PCDH15: variants seen among roughly 807,000 people sequenced by gnomAD.
PCDH15 encodes protocadherin related 15.
A neutral mutation model predicts 178.5 loss-of-function variants in PCDH15; 129 were observed. The observed-to-expected ratio is 0.72, with a 90% CI of 0.63 to 0.84. The LOEUF (loss-of-function observed/expected upper bound fraction) is 0.84. Among genes scored for constraint, PCDH15 ranks in the 40% least tolerant of loss-of-function variants. The pLI is 0.00. For missense variants in PCDH15, 2,230 were observed against 2,099.9 expected (o/e 1.06, Z -1.21); for synonymous variants, 800 against 732.0 (o/e 1.09, Z -1.50).
At chr10:54,871,137 T>C (rs2131794811) in intron 3 of PCDH15, among the ~76,000 whole-genome samples, 1 of 152,256 alleles carries the variant, frequency 6.6e-6, no homozygotes, top group East Asian at 1.9e-4. Context: ...TCACAGAGCA[T>C]AGGGATTCCT....
At chr10:53,835,248 A>T (rs2077238437) in intron 29 of PCDH15, among the ~76,000 whole-genome samples, 1 of 152,204 alleles carries the variant, frequency 6.6e-6, no homozygotes, top group Admixed American at 6.5e-5. Flanking sequence ...TGTGGTTTAA[A>T]GGCAGTGTAT....
At chr10:55,056,464 C>T (rs1841305879) in intron 2 of PCDH15, among the ~76,000 whole-genome samples, 1 of 151,780 alleles carries the variant, frequency 6.6e-6, no homozygotes, top group Non-Finnish European at 1.5e-5. Flanking sequence ...CATTGAGTTA[C>T]CATTAACTTG....
chr10:55,265,687 A>G (rs943272801), intron 1 of PCDH15, among the ~76,000 whole-genome samples: 14 of 152,174 alleles, frequency 9.2e-5, no homozygotes, highest in African/African-American at 3.1e-4. Context: ...GTTGTTCATT[A>G]TCGACCAGGG....
chr10:55,251,219 A>G (rs898676355), intron 1 of PCDH15, among the ~76,000 whole-genome samples: 3 of 152,082 alleles, frequency 2.0e-5, no homozygotes, highest in African/African-American at 7.2e-5. Flanking sequence ...GTGTATATTT[A>G]GTTTTATACA....
chr10:54,790,870 C>T (rs189861980), intron 1 of PCDH15, among the ~76,000 whole-genome samples: 1 of 151,624 alleles, frequency 6.6e-6, no homozygotes, highest in East Asian at 2.0e-4. Flanking sequence ...AGAGAGGTAG[C>T]TAAATAAAAC....
chr10:54,740,212 A>C (rs1350750929), intron 1 of PCDH15, among the ~76,000 whole-genome samples: 1 of 152,070 alleles, frequency 6.6e-6, no homozygotes, highest in East Asian at 1.9e-4. Context: ...TCAAATTTTA[A>C]AATGGGCAAA....
chr10:54,950,722 G>A (rs146657717), intron 2 of PCDH15, among the ~76,000 whole-genome samples: 1,568 of 151,988 alleles, frequency 0.01, 22 homozygotes, highest in African/African-American at 0.036. Context: ...TGAGAACAGC[G>A]TGGGGGAAAC....
At chr10:54,662,214 A>G (rs77532846) in intron 2 of PCDH15, among the ~76,000 whole-genome samples, 10,032 of 151,974 alleles carry the variant, frequency 0.066, 410 homozygotes, top group East Asian at 0.15. Flanking sequence ...AACAAAACAT[A>G]TAACTCCATT....
At chr10:55,160,022 C>T (rs1311467119) in intron 2 of PCDH15, among the ~76,000 whole-genome samples, 1 of 151,776 alleles carries the variant, frequency 6.6e-6, no homozygotes, top group Non-Finnish European at 1.5e-5. Flanking sequence ...TACTCCAAAT[C>T]TTCTTCTACC....
At chr10:54,628,359 T>C (rs1347823029) in intron 2 of PCDH15, among the ~76,000 whole-genome samples, 1 of 152,234 alleles carries the variant, frequency 6.6e-6, no homozygotes, top group East Asian at 1.9e-4. Flanking sequence ...CAACTTGATC[T>C]TTCATGTGAC....
At chr10:54,672,050 A>G (rs2094684864) in intron 1 of PCDH15, among the ~76,000 whole-genome samples, 1 of 152,114 alleles carries the variant, frequency 6.6e-6, no homozygotes, top group Non-Finnish European at 1.5e-5. Context: ...TGAACTGCAC[A>G]TACAAGGGTT....
chr10:55,404,395 A>G lies in PCDH15; in HGVS notation c.-156+223230T>C, dbSNP rs80187729. Among the ~76,000 whole-genome samples, 1,205 of 152,128 alleles carry G rather than the reference A, an allele frequency of 7.9e-3. 15 individuals carry two copies. Among genetic ancestry groups the G allele is most frequent in the African/African-American group, 0.026 (1,083 of 41,538 alleles). ...CTATTATCCTGTGACAGCGCTTAGG[A>G]TTTTGCAATGGCACTTTTTCTGAGC... On this transcript the variant is annotated intron_variant, in intron 2 of 5. Transcript: ENST00000613346.
intron 5 of PCDH15, among the ~76,000 whole-genome samples, chr10:54,357,964 G>A (rs9416320): frequency 2.0e-5 from 3 of 150,976 alleles, no homozygotes; most frequent in Non-Finnish European, 4.4e-5. Flanking sequence ...TAGCCATATG[G>A]AGAAAGCTGA....
rs377587733 is a variant in PCDH15, at chr10:55,501,564, A to G, written c.-156+126061T>C. On this transcript the variant is annotated intron_variant, in intron 2 of 5. Transcript: ENST00000613346. ...CCAAGAAATGAGATAATACCCCTTG[A>G]TGGTTATATAGTGTTTTAGAAAATA... is the stretch of plus-strand genomic sequence containing the variant. Among the ~76,000 whole-genome samples the G allele has an allele frequency of 4.6e-5, 7 of 151,930 alleles. No homozygotes were observed. The East Asian group carries it at 7.8e-4, about 17-fold the overall frequency.
intron 1 of PCDH15, among the ~76,000 whole-genome samples, chr10:55,239,669 A>C (rs1425437683): frequency 6.6e-6 from 1 of 152,184 alleles, no homozygotes; most frequent in Non-Finnish European, 1.5e-5. Context: ...ACAGGCAATC[A>C]AACCAAAACA....
intron 2 of PCDH15, among the ~76,000 whole-genome samples, chr10:55,373,789 T>G (rs1845558667): frequency 6.6e-6 from 1 of 152,044 alleles, no homozygotes; most frequent in Non-Finnish European, 1.5e-5. Context: ...CTAGGGATTT[T>G]ATGGTTTCAG....
chr10:54,748,392 T>C (rs2132930368), intron 1 of PCDH15, among the ~76,000 whole-genome samples: 1 of 152,272 alleles, frequency 6.6e-6, no homozygotes, highest in African/African-American at 2.4e-5. Context: ...CCAAGGTCCG[T>C]GCTCTTTTTT....
intron 2 of PCDH15, among the ~76,000 whole-genome samples, chr10:54,624,704 C>T (rs989508439): frequency 2.6e-5 from 4 of 152,178 alleles, no homozygotes; most frequent in African/African-American, 9.7e-5. Flanking sequence ...CTCCCCATCA[C>T]TGGCATTATT....
intron 1 of PCDH15, among the ~76,000 whole-genome samples, chr10:54,678,917 G>A (rs1379946454): frequency 4.6e-5 from 7 of 152,074 alleles, no homozygotes; most frequent in African/African-American, 1.4e-4. Context: ...TTGGCCGGGC[G>A]CGGTGGCTCA....
Sources: allele counts gnomAD v4.1 joint callset (sites outside exome capture counted in the v4.1 genomes callset), GRCh38; gene constraint gnomAD v4.1.1; transcripts MANE v1.5; gene names NCBI Gene and HGNC (gene_info 2026-07-23, HGNC 2026-07-21).